Variants in NCK2 observed in about 807,000 individuals in gnomAD.
NCK2 encodes the protein cytoplasmic protein NCK2.
Under a neutral mutation model 33.9 loss-of-function variants are expected in NCK2, and 16 were observed. The ratio of observed to expected loss-of-function variants is 0.47; its 90% CI spans 0.32 to 0.72. The LOEUF (loss-of-function observed/expected upper bound fraction) is 0.72, where lower values mean the gene tolerates loss of function less well. Among genes scored for constraint, NCK2 ranks in the 30% least tolerant of loss-of-function variants. The pLI is 0.03. For missense variants in NCK2, 418 were observed against 537.3 expected, an observed-to-expected ratio of 0.78 and a Z score of 2.19; for synonymous variants, 273 against 239.9, an observed-to-expected ratio of 1.14 and a Z score of -1.27.
At chr2:105,870,083 G>A (rs1465235004) in intron 3 of NCK2, among the ~76,000 whole-genome samples, 1 of 152,182 alleles carries the variant, frequency 6.6e-6, no homozygotes, top group African/African-American at 2.4e-5. Context: ...TTTCAGAGCT[G>A]GTTCCTGGTG....
At chr2:105,749,327 A>G (rs532265380) in intron 1 of NCK2, among the ~76,000 whole-genome samples, 18 of 152,302 alleles carry the variant, frequency 1.2e-4, no homozygotes, top group South Asian at 2.1e-4. Flanking sequence ...TTTTGAGACA[A>G]TTTTGGAAGC....
At position 105,820,627 on chromosome 2, in the gene NCK2, A is replaced by G. The variant is rs564381455; in HGVS notation, c.-17+4014A>G. On this transcript the variant is annotated intron_variant, in intron 2 of 4. Coordinates refer to ENST00000233154, the MANE Select transcript of NCK2 (RefSeq NM_003581.5). ...ATAGGAAGAGCCAGAAGGCCACCAG[A>G]GTTGTCATTTTGGCAAACGCATAAT... 2.0e-5 allele frequency among the ~76,000 whole-genome samples: 3 copies of G among 152,318 alleles called. No homozygotes were observed. The East Asian group carries it at 5.8e-4, about 29-fold the overall frequency.
chr2:105,823,132 CTGTGTGTGTGTGTGTGTGTGTG>C (rs10610689), intron 2 of NCK2, among the ~76,000 whole-genome samples: 1 of 148,530 alleles, frequency 6.7e-6, no homozygotes. Flanking sequence ...TCCTCTCATG[CTGTGTGTGTGTGTGTGTGTGTG>C]TGTGTGTGTG....
chr2:105,786,968 G>A (rs934684321), intron 1 of NCK2, among the ~76,000 whole-genome samples: 2 of 152,252 alleles, frequency 1.3e-5, no homozygotes, highest in East Asian at 1.9e-4. Context: ...TTCAGCTGGC[G>A]TGGTGCCGCA....
intron 3 of NCK2, among the ~76,000 whole-genome samples, chr2:105,867,215 C>A (rs1677799870): frequency 6.6e-6 from 1 of 152,202 alleles, no homozygotes; most frequent in South Asian, 2.1e-4. Flanking sequence ...CACGCTAAGA[C>A]AAGGACTCTG....
chr2:105,780,703 T>C (rs1439964272), intron 1 of NCK2, among the ~76,000 whole-genome samples: 1 of 152,108 alleles, frequency 6.6e-6, no homozygotes, highest in East Asian at 1.9e-4. Context: ...GGGAGGTGAT[T>C]AGGTCGTAAG....
Position 105,893,141 on chromosome 2 carries a change from G to C in NCK2, c.1108G>C (p.Gly370Arg). Residue 370 changes from glycine (G) to arginine (R), a missense_variant, in exon 5 of 5, where the codon GGG becomes CGG. By Grantham distance (125) the Gly-to-Arg change is moderately radical. Coordinates refer to ENST00000233154, the MANE Select transcript of NCK2 (RefSeq NM_003581.5). The part of the protein sequence containing the change: ...KKAPIFTSEH[G>R]EKLYLVRALQ Reference sequence around the variant, plus strand: ...GGCGCCCATCTTCACCAGCGAGCACGGGGAGAAGCTCTACCTCGTCAGGGC... The same window carrying C: ...GGCGCCCATCTTCACCAGCGAGCACCGGGAGAAGCTCTACCTCGTCAGGGC... The C allele has an allele frequency of 6.2e-7, 1 of 1,610,472 alleles. No homozygotes were observed. Among genetic ancestry groups the C allele is most frequent in the African/African-American group, 1.3e-5 (1 of 74,976 alleles).
At chr2:105,788,890 C>G (rs1466801958) in intron 1 of NCK2, among the ~76,000 whole-genome samples, 2 of 152,226 alleles carry the variant, frequency 1.3e-5, no homozygotes, top group African/African-American at 4.8e-5. Flanking sequence ...CAGCGGATCT[C>G]TTATCTGCTC....
intron 2 of NCK2, among the ~76,000 whole-genome samples, chr2:105,854,339 G>A (rs1016163873): frequency 6.6e-6 from 1 of 152,144 alleles, no homozygotes; most frequent in East Asian, 1.9e-4. Context: ...ACAGGTTTTT[G>A]TGTGAATGAA....
chr2:105,839,211 C>T (rs1676546085), intron 2 of NCK2, among the ~76,000 whole-genome samples: 1 of 152,148 alleles, frequency 6.6e-6, no homozygotes, highest in African/African-American at 2.4e-5. Context: ...GGGTCAAGGT[C>T]TTTTAGGCTT....
At chr2:105,806,486 C>T (rs191764460) in intron 1 of NCK2, among the ~76,000 whole-genome samples, 122 of 152,336 alleles carry the variant, frequency 8.0e-4, no homozygotes, top group African/African-American at 2.4e-3. Flanking sequence ...ATCCACCCCG[C>T]GTTGGCCTCC....
At chr2:105,791,500 A>T (rs1007641763) in intron 1 of NCK2, among the ~76,000 whole-genome samples, 4 of 152,148 alleles carry the variant, frequency 2.6e-5, no homozygotes, top group Non-Finnish European at 5.9e-5. Flanking sequence ...GCTGCTGCAG[A>T]TTACTCTTCG....
chr2:105,800,569 C>T (rs1164803543), intron 1 of NCK2, among the ~76,000 whole-genome samples: 1 of 152,054 alleles, frequency 6.6e-6, no homozygotes, highest in Non-Finnish European at 1.5e-5. Flanking sequence ...CCATAGAAGG[C>T]GGAAACCCAG....
At chr2:105,773,190 A>C (rs1355771990) in intron 1 of NCK2, among the ~76,000 whole-genome samples, 1 of 151,670 alleles carries the variant, frequency 6.6e-6, no homozygotes, top group African/African-American at 2.4e-5. Flanking sequence ...TGAGCCACCT[A>C]CCATCTGGCC....
At chr2:105,780,733 G>GC (rs1458943258) in intron 1 of NCK2, among the ~76,000 whole-genome samples, 9 of 152,236 alleles carry the variant, frequency 5.9e-5, no homozygotes, top group Admixed American at 3.3e-4. Flanking sequence ...CTTGCAAATG[G>GC]GATTAATTTC....
At chr2:105,854,601 C>G (rs1315648240) in intron 2 of NCK2, 10 of 152,802 alleles carry the variant, frequency 6.5e-5, no homozygotes, top group Admixed American at 6.5e-4. Context: ...AGGATACCAC[C>G]TTGTTATTAG....
intron 1 of NCK2, among the ~76,000 whole-genome samples, chr2:105,779,268 C>G (rs1347387629): frequency 7.0e-6 from 1 of 142,042 alleles, no homozygotes; most frequent in Non-Finnish European, 1.5e-5. Flanking sequence ...GATTGTGCCA[C>G]TGCACTCCAG....
intron 1 of NCK2, among the ~76,000 whole-genome samples, chr2:105,778,493 G>A (rs967402614): frequency 1.1e-4 from 17 of 152,216 alleles, no homozygotes; most frequent in Admixed American, 1.3e-4. Flanking sequence ...AGGGAAGGGC[G>A]GTGATGGCAG....
intron 1 of NCK2, among the ~76,000 whole-genome samples, chr2:105,765,199 A>G (rs1689899412): frequency 1.3e-5 from 2 of 152,224 alleles, no homozygotes; most frequent in South Asian, 2.1e-4. Flanking sequence ...GTCAGTGTAA[A>G]TGGTCCCTCC....
Sources: allele counts gnomAD v4.1 joint callset (sites outside exome capture counted in the v4.1 genomes callset), GRCh38; gene constraint gnomAD v4.1.1; transcripts MANE v1.5; gene names NCBI Gene and HGNC (gene_info 2026-07-23, HGNC 2026-07-21).